Variants in PPP1R12A observed in about 807,000 individuals in gnomAD.
PPP1R12A encodes myosin binding subunit.
In PPP1R12A, 19 loss-of-function variants were observed where a neutral mutation model predicts 139.6. The observed-to-expected ratio is 0.14, with a 90% CI of 0.09 to 0.20. PPP1R12A has a LOEUF of 0.20. Among genes scored for constraint, PPP1R12A ranks in the 10% least tolerant of loss-of-function variants. The pLI, the probability that PPP1R12A is intolerant of heterozygous loss-of-function variation, is 1.00. For synonymous variants in PPP1R12A, 427 were observed against 420.6 expected (o/e 1.02, Z -0.19); for missense variants, 925 against 1,211.5 (o/e 0.76, Z 3.51).
At chr12:79,875,973 T>C (rs1350492530) in intron 1 of PPP1R12A, among the ~76,000 whole-genome samples, 3 of 152,152 alleles carry the variant, frequency 2.0e-5, no homozygotes, top group African/African-American at 4.8e-5. Context: ...ACTGTAACTC[T>C]TGGAGAAAAC....
At chr12:79,864,799 A>T (rs1881778478) in intron 2 of PPP1R12A, among the ~76,000 whole-genome samples, 1 of 152,228 alleles carries the variant, frequency 6.6e-6, no homozygotes, top group African/African-American at 2.4e-5. Flanking sequence ...GAACAGGACA[A>T]TAACAGGTTC....
intron 2 of PPP1R12A, among the ~76,000 whole-genome samples, chr12:79,853,149 G>A (rs1003252845): frequency 2.6e-5 from 4 of 152,148 alleles, no homozygotes; most frequent in Non-Finnish European, 4.4e-5. Context: ...CTATGAGTGT[G>A]ACCAATGTTT....
intron 22 of PPP1R12A, 36 bp downstream of exon 22, chr12:79,786,337 AT>A: frequency 7.8e-7 from 1 of 1,288,304 alleles, no homozygotes; most frequent in Non-Finnish European, 1.1e-6. Context: ...AATCACAACC[AT>A]TACCTTGAGA....
chr12:79,884,951 G>C (rs570704892), intron 1 of PPP1R12A, among the ~76,000 whole-genome samples: 2 of 152,114 alleles, frequency 1.3e-5, no homozygotes, highest in Non-Finnish European at 2.9e-5. Context: ...AAAGCAGACA[G>C]AGTCCATGAC....
At chr12:79,783,267 G>A (rs1411184684) in intron 22 of PPP1R12A, among the ~76,000 whole-genome samples, 1 of 147,798 alleles carries the variant, frequency 6.8e-6, no homozygotes, top group Non-Finnish European at 1.5e-5. Flanking sequence ...AGACCAGCCT[G>A]GGCAACACGG....
chr12:79,806,464 C>G, intron 12 of PPP1R12A, 131 bp from the exon 13 acceptor site: 1 of 741,662 alleles, frequency 1.3e-6, no homozygotes, highest in Non-Finnish European at 2.1e-6. Flanking sequence ...ACCACCAGCT[C>G]CAGCACCAAG....
In PPP1R12A at chr12:79,846,937, C is replaced by T. The variant is rs140140607; in HGVS notation, c.369-1517G>A. ...TTGGGTATCCCTGGTTTTATTTTTC[C>T]ATATATAAAGAATGGGTCTTTTCCT... On this transcript the variant is annotated intron_variant, in intron 2 of 24. Transcript: ENST00000450142. Among the ~76,000 whole-genome samples the T allele has an allele frequency of 6.6e-4, 101 of 151,972 alleles. 1 individual carries two copies. In the East Asian group the frequency reaches 0.016, roughly 24 times the overall value.
chr12:79,810,588 A>G (rs760025944), intron 9 of PPP1R12A, among the ~76,000 whole-genome samples: 1 of 152,220 alleles, frequency 6.6e-6, no homozygotes, highest in Non-Finnish European at 1.5e-5. Context: ...GTTATGAACA[A>G]AAAATATTTT....
chr12:79,846,488 G>A (rs562806071), intron 2 of PPP1R12A, among the ~76,000 whole-genome samples: 6 of 151,934 alleles, frequency 3.9e-5, no homozygotes, highest in East Asian at 3.9e-4. Flanking sequence ...GGAGTGCAGC[G>A]GCGTAATCTC....
At chr12:79,777,445 C>T in intron 24 of PPP1R12A, 1 of 985,022 alleles carries the variant, frequency 1.0e-6, no homozygotes, top group South Asian at 4.7e-5. Context: ...TAAAAGTGAG[C>T]TCTTACAAAA....
chr12:79,916,165 G>GT, intron 1 of PPP1R12A, among the ~76,000 whole-genome samples: 1 of 151,928 alleles, frequency 6.6e-6, no homozygotes, highest in South Asian at 2.1e-4. Flanking sequence ...AACAACAAAT[G>GT]TACCTATAAA....
intron 14 of PPP1R12A, among the ~76,000 whole-genome samples, chr12:79,804,363 A>AC (rs1873562292): frequency 6.6e-6 from 1 of 152,122 alleles, no homozygotes; most frequent in African/African-American, 2.4e-5. Context: ...CTGGTACTCA[A>AC]ATCACAAAAT....
At chr12:79,871,834 A>C (rs1179264705) in intron 2 of PPP1R12A, among the ~76,000 whole-genome samples, 1 of 152,198 alleles carries the variant, frequency 6.6e-6, no homozygotes, top group Non-Finnish European at 1.5e-5. Flanking sequence ...AGGTTTGAAC[A>C]ACCACTGCTG....
intron 1 of PPP1R12A, among the ~76,000 whole-genome samples, chr12:79,911,471 G>T (rs1886558143): frequency 6.6e-6 from 1 of 152,088 alleles, no homozygotes; most frequent in South Asian, 2.1e-4. Context: ...GAAGGGAGAA[G>T]ATCAGAAAAA....
chr12:79,912,068 C>T (rs1468704269), intron 1 of PPP1R12A, among the ~76,000 whole-genome samples: 1 of 152,108 alleles, frequency 6.6e-6, no homozygotes, highest in Non-Finnish European at 1.5e-5. Flanking sequence ...CTCTGCTGAG[C>T]ATGCTTTCTC....
In PPP1R12A at chr12:79,918,657, C is replaced by A. The variant is rs1225815429; in HGVS notation, c.237+16038G>T. Among the ~76,000 whole-genome samples, 4 of 152,144 alleles carry A rather than the reference C, an allele frequency of 2.6e-5. 1 individual carries two copies. Among genetic ancestry groups the A allele is most frequent in the Admixed American group, 6.5e-5 (1 of 15,272 alleles). ...ATCTACTATTTTCCAACCCTCCTGC[C>A]GCTAAGCTAGTTCATCTCATAGTCA... On this transcript the variant is annotated intron_variant, in intron 1 of 24. Coordinates refer to ENST00000450142, the MANE Select transcript of PPP1R12A (RefSeq NM_002480.3).
intron 1 of PPP1R12A, among the ~76,000 whole-genome samples, chr12:79,924,990 T>C (rs992989588): frequency 7.9e-5 from 12 of 152,288 alleles, no homozygotes; most frequent in Admixed American, 2.0e-4. Flanking sequence ...GATGACTACA[T>C]GATCCACCTT....
At chr12:79,852,315 C>T (rs926522881) in intron 2 of PPP1R12A, among the ~76,000 whole-genome samples, 1 of 151,818 alleles carries the variant, frequency 6.6e-6, no homozygotes, top group Admixed American at 6.6e-5. Context: ...CTAAGCCTCC[C>T]GAGTAGCTGG....
chr12:79,812,494 G>A (rs1323199117), intron 9 of PPP1R12A, among the ~76,000 whole-genome samples: 1 of 151,246 alleles, frequency 6.6e-6, no homozygotes, highest in African/African-American at 2.4e-5. Flanking sequence ...AGCCCTTCCA[G>A]AGCCTGCTCT....
Sources: allele counts gnomAD v4.1 joint callset (sites outside exome capture counted in the v4.1 genomes callset), GRCh38; gene constraint gnomAD v4.1.1; transcripts MANE v1.5; gene names NCBI Gene and HGNC (gene_info 2026-07-23, HGNC 2026-07-21).